Variants in DENND2A observed in about 807,000 individuals in gnomAD.
DENND2A encodes the protein DENN domain containing 2A.
A neutral mutation model predicts 105.3 loss-of-function variants in DENND2A; 53 were observed. The ratio of observed to expected loss-of-function variants is 0.50; its 90% CI spans 0.40 to 0.63. DENND2A has a LOEUF of 0.63. Among genes scored for constraint, DENND2A ranks in the 30% least tolerant of loss-of-function variants. The probability of loss-of-function intolerance (pLI) is 0.00; values close to 1 mark genes in which losing one functional copy is unlikely to be tolerated. For missense variants in DENND2A, 1,138 were observed against 1,279.6 expected, an observed-to-expected ratio of 0.89 and a Z score of 1.69; for synonymous variants, 522 against 508.4, an observed-to-expected ratio of 1.03 and a Z score of -0.36.
intron 12 of DENND2A, among the ~76,000 whole-genome samples, chr7:140,551,505 G>T (rs1797138939): frequency 6.6e-6 from 1 of 152,004 alleles, no homozygotes; most frequent in South Asian, 2.1e-4. Context: ...CTAGGAGCAT[G>T]GGAGACATGT....
In DENND2A at chr7:140,559,704, G is replaced by A. The variant is rs762777619; in HGVS notation, c.1889+4C>T. ...GGCTGCGAAGGGGAGAAGCCAGCTC[G>A]TACCTGGTGAACTGCTGGACAGGAA... is the stretch of plus-strand genomic sequence containing the variant. On this transcript the variant is annotated splice_donor_region_variant and intron_variant, in intron 10 of 19. Transcript: ENST00000496613. The surrounding 1 kb of genome is among the most constrained non-coding windows in gnomAD (Gnocchi z 4.1). 1.9e-4 allele frequency: 300 copies of A among 1,610,534 alleles called. No individual in the cohort carries two copies. Among genetic ancestry groups the A allele is most frequent in the Non-Finnish European group, 2.3e-4 (269 of 1,176,906 alleles).
intron 5 of DENND2A, 122 bp downstream of exon 5, chr7:140,585,467 C>T: frequency 7.2e-7 from 1 of 1,393,036 alleles, no homozygotes. Context: ...TTGTACAAAT[C>T]CAGGAGCCCG....
At chr7:140,632,383 G>A (rs572309563) in intron 1 of DENND2A, among the ~76,000 whole-genome samples, 5 of 152,208 alleles carry the variant, frequency 3.3e-5, no homozygotes, top group Non-Finnish European at 5.9e-5. Flanking sequence ...AAGAAAGGTG[G>A]TGGGAGATAG....
intron 19 of DENND2A, 62 bp from the exon 20 acceptor site, chr7:140,518,800 G>A (rs1226877918): frequency 7.0e-6 from 11 of 1,560,392 alleles, no homozygotes; most frequent in South Asian, 1.1e-5. Context: ...GATAAATCTT[G>A]CCCTTTCCAC....
chr7:140,575,978 T>A (rs269222), intron 5 of DENND2A, among the ~76,000 whole-genome samples: 68,871 of 149,006 alleles, frequency 0.46, 16,752 homozygotes, highest in African/African-American at 0.61. Context: ...CAAAAAAAAA[T>A]AAATAAATAA....
At chr7:140,622,293 G>C (rs1171739282) in intron 1 of DENND2A, among the ~76,000 whole-genome samples, 1 of 152,070 alleles carries the variant, frequency 6.6e-6, no homozygotes, top group Non-Finnish European at 1.5e-5. Context: ...CTACTCGGGA[G>C]GCTGAGGCAA....
chr7:140,533,915 A>G (rs1265993577), intron 14 of DENND2A, among the ~76,000 whole-genome samples: 1 of 151,778 alleles, frequency 6.6e-6, no homozygotes, highest in Non-Finnish European at 1.5e-5. Flanking sequence ...AGCCCTCGTC[A>G]ACGTTTTTTC....
intron 19 of DENND2A, 124 bp from the exon 20 acceptor site, chr7:140,518,862 C>A: frequency 1.3e-6 from 1 of 798,040 alleles, no homozygotes; most frequent in Non-Finnish European, 2.1e-6. Flanking sequence ...GGAGCCTCAT[C>A]CCTTGCTCTG....
At chr7:140,532,481 A>G (rs1005250326) in intron 14 of DENND2A, among the ~76,000 whole-genome samples, 1 of 152,202 alleles carries the variant, frequency 6.6e-6, no homozygotes, top group Admixed American at 6.5e-5. Flanking sequence ...TGTGTTTAAG[A>G]TTCCTTCTAC....
chr7:140,583,507 G>C (rs1798630240), intron 5 of DENND2A, among the ~76,000 whole-genome samples: 1 of 150,076 alleles, frequency 6.7e-6, no homozygotes, highest in Non-Finnish European at 1.5e-5. Context: ...AAATGACCTC[G>C]CTGGTTGGCA....
intron 5 of DENND2A, among the ~76,000 whole-genome samples, chr7:140,580,245 CA>C (rs1198665419): frequency 6.6e-6 from 1 of 151,738 alleles, no homozygotes; most frequent in Non-Finnish European, 1.5e-5. Flanking sequence ...ATCATGTAAC[CA>C]GAAAAACTTT....
chr7:140,558,142 C>G lies in DENND2A; in HGVS notation c.1959+1G>C. The G allele has an allele frequency of 3.1e-6, 5 of 1,613,070 alleles. No individual in the cohort carries two copies. The highest frequency in any genetic ancestry group is 4.2e-6 in the Non-Finnish European group (5 of 1,179,134). On this transcript the variant is annotated splice_donor_variant, in intron 11 of 19. Transcript: ENST00000496613. LOFTEE classifies it high-confidence loss of function. Reference sequence around the variant, plus strand: ...GCAGGCTGAAAGCAGAATGTACTCACCAGCAGTCTTCGGCAGTAACCGAAC... The same window carrying G: ...GCAGGCTGAAAGCAGAATGTACTCAGCAGCAGTCTTCGGCAGTAACCGAAC...
At position 140,567,287 on chromosome 7, in the gene DENND2A, GGA is replaced by G; in HGVS notation, c.1592-16_1592-15del. On this transcript the variant is annotated splice_polypyrimidine_tract_variant and intron_variant, in intron 8 of 19. Coordinates refer to ENST00000496613, the MANE Select transcript of DENND2A (RefSeq NM_015689.5). ...GCTGGCTGTGAGCTGGGTGAGGGAG[GGA>G]GAGAGAAAGAGAGAAAGAGAGAGAG... 1.6e-6 allele frequency: 2 copies of G among 1,214,390 alleles called. No homozygotes were observed. Among genetic ancestry groups the G allele is most frequent in the East Asian group, 2.7e-5 (1 of 37,302 alleles). The allele number at this position is 1,214,390 out of a possible 1,614,324, so 75.2% of individuals were successfully genotyped here.
intron 1 of DENND2A, among the ~76,000 whole-genome samples, chr7:140,624,840 T>G (rs2130727272): frequency 6.6e-6 from 1 of 151,610 alleles, no homozygotes; most frequent in Non-Finnish European, 1.5e-5. Flanking sequence ...AGAGATTTTG[T>G]TTTTCTTTGT....
chr7:140,555,059 C>G (rs746286986), intron 12 of DENND2A, among the ~76,000 whole-genome samples: 1 of 151,794 alleles, frequency 6.6e-6, no homozygotes, highest in African/African-American at 2.4e-5. Flanking sequence ...GGTCTTCCAC[C>G]CCTCCCTTTC....
At position 140,623,302 on chromosome 7, in the gene DENND2A, G is replaced by A. The variant is rs370822599; in HGVS notation, c.-248+17202C>T. Among the ~76,000 whole-genome samples, 279 of 143,218 alleles carry A rather than the reference G, an allele frequency of 1.9e-3. 1 individual carries two copies. Among genetic ancestry groups the A allele is most frequent in the African/African-American group, 6.9e-3 (262 of 37,948 alleles). 94.0% of individuals were successfully genotyped at this position (143,218 alleles called of 152,430 possible). ...CGCACTCCAGCCTGGGCGACACAGC[G>A]AGGCTCTATCTCCAAAAAAAAAAAA... On this transcript the variant is annotated intron_variant, in intron 1 of 19. Coordinates refer to ENST00000496613, the MANE Select transcript of DENND2A (RefSeq NM_015689.5).
rs199604652 is a variant in DENND2A, at chr7:140,602,044, C to G, written c.354G>C (p.Gly118=). 194 of 1,614,086 alleles carry G rather than the reference C, an allele frequency of 1.2e-4. No homozygotes were observed. Among genetic ancestry groups the G allele is most frequent in the Non-Finnish European group, 1.6e-4 (187 of 1,180,044 alleles). The change falls in exon 3 of 20, where the codon GGG becomes GGC. Residue 118 remains glycine (G), a synonymous_variant. Coordinates refer to ENST00000496613, the MANE Select transcript of DENND2A (RefSeq NM_015689.5). ...KERNKGAVNV[G]GQDPEPGQDL... ...CTTGCCCCGGCTCTGGGTCCTGTCC[C>G]CCGACGTTCACTGCTCCTTTATTCC...
At chr7:140,591,019 T>C (rs1471296896) in intron 3 of DENND2A, among the ~76,000 whole-genome samples, 1 of 151,570 alleles carries the variant, frequency 6.6e-6, no homozygotes, top group Non-Finnish European at 1.5e-5. Context: ...AAGATGGGGG[T>C]GGGCGCAGTA....
At chr7:140,603,711 G>T (rs1426047173) in intron 2 of DENND2A, among the ~76,000 whole-genome samples, 1 of 152,182 alleles carries the variant, frequency 6.6e-6, no homozygotes, top group African/African-American at 2.4e-5. Flanking sequence ...ACTTGGCTTA[G>T]AAATGCACTA....
Sources: allele counts gnomAD v4.1 joint callset (sites outside exome capture counted in the v4.1 genomes callset), GRCh38; gene constraint gnomAD v4.1.1; non-coding constraint Gnocchi (gnomAD v3.1); transcripts MANE v1.5; gene names NCBI Gene and HGNC (gene_info 2026-07-23, HGNC 2026-07-21).